The following KCNT2 variants were observed in gnomAD, a reference collection of about 807,000 sequenced individuals.
The protein encoded by KCNT2 is potassium sodium-activated channel subfamily T member 2.
In KCNT2, 67 loss-of-function variants were observed where a neutral mutation model predicts 153.8. The ratio of observed to expected loss-of-function variants is 0.44; its 90% confidence interval spans 0.36 to 0.53. The LOEUF is 0.53. Among genes scored for constraint, KCNT2 ranks in the 20% least tolerant of loss-of-function variants. The pLI is 0.00. For synonymous variants in KCNT2, 500 were observed against 458.8 expected, an observed-to-expected ratio of 1.09 and a Z score of -1.15; for missense variants, 975 against 1,354.8, an observed-to-expected ratio of 0.72 and a Z score of 4.40.
At chr1:196,581,241 T>G (rs1009190343) in intron 1 of KCNT2, among the ~76,000 whole-genome samples, 1 of 152,080 alleles carries the variant, frequency 6.6e-6, no homozygotes, top group African/African-American at 2.4e-5. Flanking sequence ...TTTCGCTTTT[T>G]TTATTGTCAT....
rs377196884 is a variant in KCNT2 at position 196,342,064 on chromosome 1, G to C, written c.1553+15C>G. ...CTGATTGATATTTTAATTTTTCTCT[G>C]AGGCAGAAACATACTTTTTGTGTGC... On this transcript the variant is annotated intron_variant, in intron 15 of 27. Coordinates refer to ENST00000294725, the MANE Select transcript of KCNT2 (RefSeq NM_198503.5). The C allele has an allele frequency of 6.9e-6, 11 of 1,588,546 alleles. No homozygotes were observed. The Admixed American group carries it at 2.0e-4, about 28-fold the overall frequency.
chr1:196,266,140 T>C (rs1010695980), intron 25 of KCNT2, among the ~76,000 whole-genome samples: 5 of 152,156 alleles, frequency 3.3e-5, no homozygotes, highest in African/African-American at 9.6e-5. Context: ...CTTGAAGAAT[T>C]TATAAAGGCA....
intron 26 of KCNT2, among the ~76,000 whole-genome samples, chr1:196,245,570 T>A (rs1034463870): frequency 6.6e-6 from 1 of 152,176 alleles, no homozygotes; most frequent in African/African-American, 2.4e-5. Context: ...ATTGTTTAGA[T>A]GGATTATTCA....
At chr1:196,457,098 C>T (rs897483346) in intron 8 of KCNT2, among the ~76,000 whole-genome samples, 4 of 151,830 alleles carry the variant, frequency 2.6e-5, no homozygotes, top group Non-Finnish European at 5.9e-5. Flanking sequence ...TTATTCAACA[C>T]ACATTATTAT....
chr1:196,279,597 A>AT (rs528425905), intron 25 of KCNT2, among the ~76,000 whole-genome samples: 107 of 141,784 alleles, frequency 7.5e-4, no homozygotes, highest in South Asian at 1.4e-3. Flanking sequence ...TAATTTTTGT[A>AT]TTTTTTTTTT....
chr1:196,573,490 T>C lies in KCNT2; in HGVS notation c.95+34725A>G, dbSNP rs78660566. Among the ~76,000 whole-genome samples the C allele has an allele frequency of 1.6e-4, 25 of 152,182 alleles. No homozygotes were observed. The East Asian group carries it at 4.2e-3, about 26-fold the overall frequency. Reference sequence around the variant, plus strand: ...GATTTCTAATCACGCCAGGAGAAAATGATCTTAACAACTTTGATGAGCTAC... The same window carrying C: ...GATTTCTAATCACGCCAGGAGAAAACGATCTTAACAACTTTGATGAGCTAC... On this transcript the variant is annotated intron_variant, in intron 1 of 27. Transcript: ENST00000294725.
At chr1:196,288,392 C>T (rs1015889502) in intron 22 of KCNT2, among the ~76,000 whole-genome samples, 2 of 151,924 alleles carry the variant, frequency 1.3e-5, no homozygotes, top group Non-Finnish European at 2.9e-5. Context: ...TACTTTGAAA[C>T]CATGTTAAGT....
chr1:196,295,590 G>T (rs951706867), intron 22 of KCNT2, among the ~76,000 whole-genome samples: 1 of 151,808 alleles, frequency 6.6e-6, no homozygotes, highest in Non-Finnish European at 1.5e-5. Flanking sequence ...AACAGAAAAG[G>T]TTAGAAAATA....
chr1:196,503,901 C>T (rs903867919), intron 1 of KCNT2, among the ~76,000 whole-genome samples: 2 of 152,120 alleles, frequency 1.3e-5, no homozygotes, highest in African/African-American at 2.4e-5. Flanking sequence ...CTCACTGGAA[C>T]ACATGTATGT....
chr1:196,332,879 C>T (rs1344844269), intron 17 of KCNT2, among the ~76,000 whole-genome samples: 3 of 150,838 alleles, frequency 2.0e-5, no homozygotes, highest in African/African-American at 7.3e-5. Flanking sequence ...CCACCTCCTG[C>T]GTTCAAGTGA....
At chr1:196,398,500 A>G in intron 13 of KCNT2, 63 bp downstream of exon 13, 1 of 810,794 alleles carries the variant, frequency 1.2e-6, no homozygotes, top group East Asian at 2.6e-5. Context: ...CAGAGACTTA[A>G]CCCTTAAGCC....
intron 16 of KCNT2, among the ~76,000 whole-genome samples, chr1:196,338,895 G>T (rs940707997): frequency 2.3e-5 from 3 of 129,780 alleles, no homozygotes; most frequent in Non-Finnish European, 4.7e-5. Flanking sequence ...GTGGTGAAAA[G>T]TCAGAATGGT....
chr1:196,373,628 C>T (rs1668710660), intron 13 of KCNT2, among the ~76,000 whole-genome samples: 1 of 151,682 alleles, frequency 6.6e-6, no homozygotes, highest in Non-Finnish European at 1.5e-5. Context: ...TCTGATAATT[C>T]TATAGTATAA....
intron 14 of KCNT2, among the ~76,000 whole-genome samples, chr1:196,351,294 C>A (rs1379845651): frequency 6.6e-6 from 1 of 152,116 alleles, no homozygotes; most frequent in Non-Finnish European, 1.5e-5. Flanking sequence ...TTACCTTGGG[C>A]AGTATGGCCA....
intron 19 of KCNT2, among the ~76,000 whole-genome samples, chr1:196,323,580 A>G (rs758699929): frequency 1.3e-5 from 2 of 151,938 alleles, no homozygotes; most frequent in Non-Finnish European, 2.9e-5. Context: ...TTACCATTTA[A>G]GATCTAGAAA....
At chr1:196,473,852 A>G (rs1678300386) in intron 5 of KCNT2, among the ~76,000 whole-genome samples, 1 of 152,184 alleles carries the variant, frequency 6.6e-6, no homozygotes, top group South Asian at 2.1e-4. Flanking sequence ...CAATGTCACT[A>G]TGTAAGAAAA....
At chr1:196,605,524 G>GA in intron 1 of KCNT2, among the ~76,000 whole-genome samples, 1 of 152,314 alleles carries the variant, frequency 6.6e-6, no homozygotes, top group Non-Finnish European at 1.5e-5. Context: ...GTGGTGGGGA[G>GA]AAAACCTCAT....
intron 26 of KCNT2, among the ~76,000 whole-genome samples, chr1:196,248,946 G>A (rs942164509): frequency 6.6e-6 from 1 of 152,070 alleles, no homozygotes; most frequent in African/African-American, 2.4e-5. Flanking sequence ...CAGCACATTA[G>A]AAAGATTATT....
At chr1:196,373,100 T>C (rs762352775) in intron 14 of KCNT2, 40 bp downstream of exon 14, 2 of 949,302 alleles carry the variant, frequency 2.1e-6, no homozygotes, top group South Asian at 1.4e-5. Flanking sequence ...TTGTTTTTTA[T>C]ATAATTTAAA....
Sources: gnomAD v4.1 joint callset for allele counts (sites outside exome capture counted in the v4.1 genomes callset) on GRCh38, gnomAD v4.1.1 for gene constraint, MANE v1.5 for transcripts, NCBI Gene and HGNC (gene_info 2026-07-23, HGNC 2026-07-21) for gene names.